ZNF724: variants seen among roughly 807,000 people sequenced by gnomAD.
ZNF724 encodes the protein zinc finger protein 724, also known as zinc finger protein 724 pseudogene.
In ZNF724, 14 loss-of-function variants were observed where a neutral mutation model predicts 29.3. The observed-to-expected ratio is 0.48, with a 90% confidence interval of 0.32 to 0.75. The LOEUF (loss-of-function observed/expected upper bound fraction) is 0.75. Ranked by LOEUF, ZNF724 falls within the 30% of genes least tolerant of loss-of-function variation. The pLI is 0.04. For missense variants in ZNF724, 557 were observed against 571.2 expected (o/e 0.98, Z 0.25); for synonymous variants, 180 against 193.6 (o/e 0.93, Z 0.58).
intron 2 of ZNF724, among the ~76,000 whole-genome samples, 188 bp downstream of exon 2, chr19:23,231,979 C>T (rs1971941207): frequency 6.6e-6 from 1 of 151,962 alleles, no homozygotes; most frequent in East Asian, 1.9e-4. Context: ...TCAGGTGATC[C>T]ACCCGCCTTG....
intron 1 of ZNF724, among the ~76,000 whole-genome samples, chr19:23,243,489 A>T (rs866069310): frequency 6.8e-5 from 10 of 146,002 alleles, no homozygotes; most frequent in East Asian, 5.8e-4. Context: ...AAAAAAAAAA[A>T]AAAAAAAAAA....
At chr19:23,242,158 C>T (rs1028716703) in intron 1 of ZNF724, among the ~76,000 whole-genome samples, 19 of 152,268 alleles carry the variant, frequency 1.2e-4, no homozygotes, top group African/African-American at 4.1e-4. Flanking sequence ...TCTAGGAATA[C>T]AGCTAACCAG....
chr19:23,231,201 A>C, intron 3 of ZNF724, 65 bp downstream of exon 3: 1 of 1,142,598 alleles, frequency 8.8e-7, no homozygotes, highest in East Asian at 2.6e-5. Context: ...TATTTCAAAA[A>C]CTGACTTTCT....
At chr19:23,226,250 A>T (rs1055157578) in intron 3 of ZNF724, among the ~76,000 whole-genome samples, 21 of 152,000 alleles carry the variant, frequency 1.4e-4, no homozygotes, top group East Asian at 7.7e-4. Flanking sequence ...ACAAGGTTTC[A>T]CTGTGTTAGC....
chr19:23,231,353 C>A lies in ZNF724; in HGVS notation c.139G>T (p.Val47Phe). ...CAGGTGATCAGGTCTGGCTTAGAGA[C>A]AGCAATACCTGTTTTATTAAAAATA... is the stretch of plus-strand genomic sequence containing the variant. The part of the protein sequence containing the change: ...YRNLVFLGIA[V>F]SKPDLITCLE... Residue 47 changes from valine (V) to phenylalanine (F), a missense_variant, in exon 3 of 4, where the codon GTC becomes TTC. By Grantham distance (50) the Val-to-Phe change is conservative. This residue lies in a region of ZNF724 where 362 missense variants were observed against 295.5 expected (regional missense o/e 1.22). Transcript: ENST00000418100. 1 of 1,378,876 alleles carries A rather than the reference C, an allele frequency of 7.3e-7. No homozygotes were observed. Among genetic ancestry groups the A allele is most frequent in the Non-Finnish European group, 1.0e-6 (1 of 972,738 alleles). 85.4% of individuals were successfully genotyped at this position (1,378,876 alleles called of 1,614,324 possible). A position where few individuals can be genotyped will look rare whatever the true frequency, so the allele number is the denominator to read the frequency against.
chr19:23,222,035 T>G lies in ZNF724; in HGVS notation c.*350A>C. ...TGAATAAGATGTGAACAGATATTAA[T>G]GGCTTCTTCACATTCTTTACATTTG... On this transcript the variant is annotated 3_prime_UTR_variant, in exon 4 of 4. Coordinates refer to ENST00000418100, the MANE Select transcript of ZNF724 (RefSeq NM_001355404.2). The G allele has an allele frequency of 4.4e-6, 1 of 227,820 alleles. No homozygotes were observed. Among genetic ancestry groups the G allele is most frequent in the Non-Finnish European group, 8.6e-6 (1 of 116,542 alleles). 14.1% of individuals were successfully genotyped at this position (227,820 alleles called of 1,614,324 possible).
intron 3 of ZNF724, among the ~76,000 whole-genome samples, chr19:23,225,253 G>A (rs1185140828): frequency 6.6e-6 from 1 of 152,082 alleles, no homozygotes; most frequent in Non-Finnish European, 1.5e-5. Flanking sequence ...GATGTCTTTT[G>A]ATTCATAAAC....
intron 1 of ZNF724, among the ~76,000 whole-genome samples, chr19:23,245,629 TATCTGATTTAGA>T (rs910613010): frequency 2.0e-5 from 3 of 151,618 alleles, no homozygotes; most frequent in Non-Finnish European, 2.9e-5. Flanking sequence ...AAAAAAAAAT[TATCTGATTTAGA>T]ATCTGATTTT....
At chr19:23,238,392 C>G (rs1379644315) in intron 1 of ZNF724, among the ~76,000 whole-genome samples, 1 of 149,680 alleles carries the variant, frequency 6.7e-6, no homozygotes, top group Admixed American at 6.8e-5. Context: ...TTTGCCAAAG[C>G]AAAAACACTG....
rs559633651 is a variant in ZNF724 at position 23,224,126 on chromosome 19, A to G, written c.227-108T>C. On this transcript the variant is annotated intron_variant, in intron 3 of 3. Coordinates refer to ENST00000418100, the MANE Select transcript of ZNF724 (RefSeq NM_001355404.2). ...CAAACTACATAAACAAGATTGCATA[A>G]GAAGGCCAGGCATGGTAGCTAATGC... is the stretch of plus-strand genomic sequence containing the variant. 1.9e-5 allele frequency: 10 copies of G among 540,094 alleles called. No individual in the cohort carries two copies. In the Admixed American group the frequency reaches 2.8e-4, roughly 15 times the overall value. 33.5% of individuals were successfully genotyped at this position (540,094 alleles called of 1,614,324 possible). A position where few individuals can be genotyped will look rare whatever the true frequency, so the allele number is the denominator to read the frequency against.
At chr19:23,244,309 G>A (rs1480224500) in intron 1 of ZNF724, among the ~76,000 whole-genome samples, 1 of 152,136 alleles carries the variant, frequency 6.6e-6, no homozygotes, top group African/African-American at 2.4e-5. Context: ...TGCAAGAAAT[G>A]CTAAATCAAA....
chr19:23,238,190 C>T (rs151323328), intron 1 of ZNF724, among the ~76,000 whole-genome samples: 2,312 of 151,952 alleles, frequency 0.015, 61 homozygotes, highest in African/African-American at 0.053. Context: ...ACGGTGAAAC[C>T]CCATCTCTAC....
At position 23,231,348 on chromosome 19, in the gene ZNF724, A is replaced by T. The variant is rs769552359; in HGVS notation, c.144T>A (p.Ser48=). The change falls in exon 3 of 4, where the codon TCT becomes TCA. Residue 48 remains serine (S), a synonymous_variant. Transcript: ENST00000418100. ...RNLVFLGIAV[S]KPDLITCLEQ... The stretch of plus-strand genomic sequence containing the variant: ...CCAGACAGGTGATCAGGTCTGGCTT[A>T]GAGACAGCAATACCTGTTTTATTAA... The T allele has an allele frequency of 1.1e-4, 146 of 1,382,834 alleles. No homozygotes were observed. The highest frequency in any genetic ancestry group is 1.4e-4 in the Non-Finnish European group (137 of 974,696). The allele number at this position is 1,382,834 out of a possible 1,614,324, so 85.7% of individuals were successfully genotyped here. A position where few individuals can be genotyped will look rare whatever the true frequency, so the allele number is the denominator to read the frequency against.
chr19:23,245,896 C>T (rs1399319958), intron 1 of ZNF724, among the ~76,000 whole-genome samples: 1 of 152,154 alleles, frequency 6.6e-6, no homozygotes, highest in Non-Finnish European at 1.5e-5. Flanking sequence ...TCCTTTCAGT[C>T]CCATTCCATC....
At chr19:23,232,370 A>C (rs1322289071) in intron 1 of ZNF724, 77 bp from the exon 2 acceptor site, 8 of 754,406 alleles carry the variant, frequency 1.1e-5, no homozygotes, top group African/African-American at 1.8e-5. Flanking sequence ...GAAATGAAAG[A>C]CTAAGGAGTA....
At position 23,223,671 on chromosome 19, in the gene ZNF724, G is replaced by T. The variant is rs770130306; in HGVS notation, c.574C>A (p.His192Asn). The change falls in exon 4 of 4, where the codon CAC becomes AAC. Residue 192 changes from histidine to asparagine, a missense_variant. Around this residue, in one of 3 missense-constraint regions of ZNF724, gnomAD observed 362 missense variants for 295.5 expected, o/e 1.22. Coordinates refer to ENST00000418100, the MANE Select transcript of ZNF724 (RefSeq NM_001355404.2). ...AGTTTGTAGGAATTGACAGTAGTGTGAATTCTTTTATGTTGAGTTAGGTGT... is the reference window on the plus strand; with the variant it reads ...AGTTTGTAGGAATTGACAGTAGTGTTAATTCTTTTATGTTGAGTTAGGTGT... ...LSHLTQHKRIHTTVNSYKLEE... is the reference protein window; with the variant it reads ...LSHLTQHKRINTTVNSYKLEE... 1 of 715,280 alleles carries T rather than the reference G, an allele frequency of 1.4e-6. No homozygotes were observed. Among genetic ancestry groups the T allele is most frequent in the Non-Finnish European group, 2.6e-6 (1 of 385,708 alleles). 44.3% of individuals were successfully genotyped at this position (715,280 alleles called of 1,614,324 possible). A position where few individuals can be genotyped will look rare whatever the true frequency, so the allele number is the denominator to read the frequency against.
At chr19:23,235,038 AAGTTT>A (rs1972001886) in intron 1 of ZNF724, among the ~76,000 whole-genome samples, 1 of 152,174 alleles carries the variant, frequency 6.6e-6, no homozygotes, top group Non-Finnish European at 1.5e-5. Flanking sequence ...TGGTTCTTTA[AAGTTT>A]ACAGAGGCAA....
At chr19:23,239,097 AAG>A (rs1568344027) in intron 1 of ZNF724, among the ~76,000 whole-genome samples, 1 of 152,186 alleles carries the variant, frequency 6.6e-6, no homozygotes, top group African/African-American at 2.4e-5. Flanking sequence ...GAGAGCTATG[AAG>A]AGAGTTGGAT....
At chr19:23,224,317 G>A (rs1471604949) in intron 3 of ZNF724, among the ~76,000 whole-genome samples, 1 of 152,092 alleles carries the variant, frequency 6.6e-6, no homozygotes, top group African/African-American at 2.4e-5. Flanking sequence ...GGAGGCTGAG[G>A]CAGAAGAATC....
Sources: gnomAD v4.1 joint callset for allele counts (sites outside exome capture counted in the v4.1 genomes callset) on GRCh38, gnomAD v4.1.1 for gene constraint, gnomAD v4.1.1 regional missense constraint, MANE v1.5 for transcripts, NCBI Gene and HGNC (gene_info 2026-07-23, HGNC 2026-07-21) for gene names.